Variants in MAGI2 observed in about 807,000 individuals in gnomAD.
The protein encoded by MAGI2 is membrane-associated guanylate kinase, WW and PDZ domain-containing protein 2.
Under a neutral mutation model 133.3 loss-of-function variants are expected in MAGI2, and 35 were observed. The ratio of observed to expected loss-of-function variants is 0.26; its 90% CI spans 0.20 to 0.35. The LOEUF (loss-of-function observed/expected upper bound fraction) is 0.35, where lower values mean the gene tolerates loss of function less well. Among genes scored for constraint, MAGI2 ranks in the 10% least tolerant of loss-of-function variants. The probability of loss-of-function intolerance (pLI) is 1.00; values close to 1 mark genes in which losing one functional copy is unlikely to be tolerated. For missense variants in MAGI2, 1,636 were observed against 1,863.4 expected (o/e 0.88, Z 2.25); for synonymous variants, 729 against 710.6 (o/e 1.03, Z -0.41).
chr7:78,945,965 A>T (rs895605080), intron 2 of MAGI2, among the ~76,000 whole-genome samples: 7 of 152,196 alleles, frequency 4.6e-5, no homozygotes, highest in African/African-American at 1.7e-4. Flanking sequence ...TTATCAGAAC[A>T]ATCCTTCTGA....
intron 3 of MAGI2, among the ~76,000 whole-genome samples, chr7:78,602,352 G>C (rs1368097939): frequency 6.6e-6 from 1 of 151,418 alleles, no homozygotes; most frequent in Non-Finnish European, 1.5e-5. Context: ...TAGAAACGGG[G>C]TTTCACCACG....
At chr7:78,651,240 T>C (rs533180267) in intron 2 of MAGI2, among the ~76,000 whole-genome samples, 8 of 152,274 alleles carry the variant, frequency 5.3e-5, no homozygotes, top group African/African-American at 1.9e-4. Context: ...CACTTTAAGT[T>C]GCTTTCTGAT....
At position 78,857,688 on chromosome 7, in the gene MAGI2, C is replaced by T. The variant is rs1471344958; in HGVS notation, c.418+149402G>A. Among the ~76,000 whole-genome samples the T allele has an allele frequency of 2.0e-5, 3 of 152,200 alleles. No homozygotes were observed. In the South Asian group the frequency reaches 6.2e-4, roughly 31 times the overall value. On this transcript the variant is annotated intron_variant, in intron 2 of 21. Transcript: ENST00000354212. The stretch of plus-strand genomic sequence containing the variant: ...TACTGAGGATATTTACATCGATGTT[C>T]ATCAGGGATATTGGTCTAAAATTCT...
rs532518557 is a variant in MAGI2, at chr7:78,755,670, T to C, written c.419-128431A>G. Among the ~76,000 whole-genome samples the C allele has an allele frequency of 2.1e-4, 32 of 152,308 alleles. 1 individual carries two copies. The South Asian group carries it at 6.2e-3, about 30-fold the overall frequency. Reference sequence around the variant, plus strand: ...CAAAATAATTTCAGGCACCAGTTGATGGTATGGTTGGTGGAACTTGTAACT... The same window carrying C: ...CAAAATAATTTCAGGCACCAGTTGACGGTATGGTTGGTGGAACTTGTAACT... On this transcript the variant is annotated intron_variant, in intron 2 of 21. Coordinates refer to ENST00000354212, the MANE Select transcript of MAGI2 (RefSeq NM_012301.4).
intron 2 of MAGI2, among the ~76,000 whole-genome samples, chr7:78,876,278 C>T (rs1330251243): frequency 1.5e-5 from 2 of 133,648 alleles, no homozygotes; most frequent in African/African-American, 2.7e-5. Flanking sequence ...GCCGAGATCA[C>T]GCCACTGCAC....
intron 1 of MAGI2, among the ~76,000 whole-genome samples, chr7:79,429,118 C>T: frequency 6.6e-6 from 1 of 151,972 alleles, no homozygotes; most frequent in East Asian, 1.9e-4. Context: ...ATGTATTTTT[C>T]CATTCACAAA....
At chr7:79,315,407 T>C (rs2129561102) in intron 1 of MAGI2, among the ~76,000 whole-genome samples, 1 of 149,776 alleles carries the variant, frequency 6.7e-6, no homozygotes, top group East Asian at 2.0e-4. Flanking sequence ...ACTCCTGACC[T>C]CAGGTGATCC....
chr7:79,371,070 A>G (rs1843020485), intron 1 of MAGI2, among the ~76,000 whole-genome samples: 1 of 152,078 alleles, frequency 6.6e-6, no homozygotes, highest in South Asian at 2.1e-4. Context: ...ATGTCTAATG[A>G]TATTCCAGTT....
At chr7:78,924,297 T>A (rs1799510383) in intron 2 of MAGI2, among the ~76,000 whole-genome samples, 1 of 152,102 alleles carries the variant, frequency 6.6e-6, no homozygotes, top group Non-Finnish European at 1.5e-5. Context: ...ATGTTTCCAG[T>A]TGTTGCCCAT....
intron 2 of MAGI2, among the ~76,000 whole-genome samples, chr7:78,826,758 G>A (rs1201470653): frequency 6.6e-6 from 1 of 152,132 alleles, no homozygotes; most frequent in Non-Finnish European, 1.5e-5. Context: ...CTCACTGACG[G>A]AGGTGTGGGA....
intron 18 of MAGI2, among the ~76,000 whole-genome samples, chr7:78,130,822 G>A (rs1005035937): frequency 2.0e-5 from 3 of 152,246 alleles, no homozygotes; most frequent in Admixed American, 6.5e-5. Flanking sequence ...GAATCCCAGA[G>A]TTAGGAATAT....
intron 1 of MAGI2, among the ~76,000 whole-genome samples, chr7:79,098,708 T>C (rs1232930395): frequency 1.3e-5 from 2 of 152,168 alleles, no homozygotes; most frequent in African/African-American, 4.8e-5. Context: ...TCAAAAAACA[T>C]CTAAGCAATA....
At chr7:78,775,406 C>T (rs1195771113) in intron 2 of MAGI2, among the ~76,000 whole-genome samples, 2 of 117,242 alleles carry the variant, frequency 1.7e-5, no homozygotes, top group Non-Finnish European at 3.5e-5. Flanking sequence ...GAAATTTAGA[C>T]AAATGGAGAT....
intron 3 of MAGI2, among the ~76,000 whole-genome samples, chr7:78,528,712 GA>G (rs1390555435): frequency 3.3e-5 from 5 of 151,690 alleles, no homozygotes; most frequent in Admixed American, 2.6e-4. Context: ...ATTTGGTCCT[GA>G]AAAAAACAAA....
chr7:78,960,425 T>A (rs1054220335), intron 2 of MAGI2, among the ~76,000 whole-genome samples: 1 of 152,088 alleles, frequency 6.6e-6, no homozygotes, highest in Non-Finnish European at 1.5e-5. Flanking sequence ...TCTCCCCAAG[T>A]CTGTTCCCAG....
At chr7:78,225,247 C>T (rs1407687601) in intron 10 of MAGI2, among the ~76,000 whole-genome samples, 2 of 152,332 alleles carry the variant, frequency 1.3e-5, no homozygotes, top group East Asian at 3.9e-4. Context: ...CAGGTTGCCT[C>T]TCAGACCATT....
intron 2 of MAGI2, among the ~76,000 whole-genome samples, chr7:78,970,423 T>C (rs1051124956): frequency 7.2e-5 from 11 of 152,030 alleles, no homozygotes; most frequent in Non-Finnish European, 1.5e-4. Flanking sequence ...AATCATAAAG[T>C]CATTCTTCAT....
chr7:78,566,466 G>A (rs1216400068), intron 3 of MAGI2, among the ~76,000 whole-genome samples: 2 of 151,294 alleles, frequency 1.3e-5, no homozygotes, highest in Non-Finnish European at 2.9e-5. Flanking sequence ...AATTTCACTG[G>A]TGAGAGAGTG....
intron 9 of MAGI2, among the ~76,000 whole-genome samples, chr7:78,329,884 A>G (rs937378528): frequency 2.0e-5 from 3 of 152,238 alleles, no homozygotes; most frequent in Non-Finnish European, 2.9e-5. Flanking sequence ...CAGTCTGCCA[A>G]CAGAACAGTT....
Sources: gnomAD v4.1 joint callset for allele counts (sites outside exome capture counted in the v4.1 genomes callset) on GRCh38, gnomAD v4.1.1 for gene constraint, MANE v1.5 for transcripts, NCBI Gene and HGNC (gene_info 2026-07-23, HGNC 2026-07-21) for gene names.